UBL3: variants seen among roughly 807,000 people sequenced by gnomAD.
UBL3 encodes the protein ubiquitin like 3.
A neutral mutation model predicts 18.4 loss-of-function variants in UBL3; 6 were observed. That is an observed-to-expected ratio of 0.33 (90% CI 0.18 to 0.64). The LOEUF (loss-of-function observed/expected upper bound fraction) is 0.64. Among genes scored for constraint, UBL3 ranks in the 30% least tolerant of loss-of-function variants. The pLI is 0.76. For synonymous variants in UBL3, 49 were observed against 46.6 expected, an observed-to-expected ratio of 1.05 and a Z score of -0.21; for missense variants, 109 against 142.9, an observed-to-expected ratio of 0.76 and a Z score of 1.21.
At chr13:29,781,962 C>G (rs1208153221) in intron 1 of UBL3, among the ~76,000 whole-genome samples, 1 of 150,420 alleles carries the variant, frequency 6.6e-6, no homozygotes, top group Non-Finnish European at 1.5e-5. Flanking sequence ...ATGATCATGC[C>G]ATTGCACTCC....
At chr13:29,814,754 T>C (rs1036203406) in intron 1 of UBL3, among the ~76,000 whole-genome samples, 1 of 152,250 alleles carries the variant, frequency 6.6e-6, no homozygotes, top group Non-Finnish European at 1.5e-5. Context: ...CCATGTGTGG[T>C]TGCAGTCAGC....
At chr13:29,839,795 C>T (rs981740452) in intron 1 of UBL3, among the ~76,000 whole-genome samples, 28 of 151,770 alleles carry the variant, frequency 1.8e-4, no homozygotes, top group Admixed American at 6.6e-5. Flanking sequence ...GGCGTGGTGG[C>T]GGGTGCCTGT....
Position 29,842,581 on chromosome 13 carries a change from AAG to A in UBL3, c.27+6929_27+6930del, listed in dbSNP as rs372182550. Among the ~76,000 whole-genome samples, 33 of 152,294 alleles carry A rather than the reference AAG, an allele frequency of 2.2e-4. No individual in the cohort carries two copies. In the East Asian group the frequency reaches 4.4e-3, roughly 20 times the overall value. On this transcript the variant is annotated intron_variant, in intron 1 of 4. Coordinates refer to ENST00000380680, the MANE Select transcript of UBL3 (RefSeq NM_007106.4). ...TGGTGGTCTTCACCTGGTGGGTATT[AAG>A]AGTTTCTTTATCTATATACCAACCA...
chr13:29,780,390 A>ATATATATATG (rs755886113), intron 1 of UBL3, among the ~76,000 whole-genome samples: 6 of 92,168 alleles, frequency 6.5e-5, no homozygotes, highest in African/African-American at 2.0e-4. Context: ...ATATATATAT[A>ATATATATATG]TGTGTGTGTG....
At chr13:29,835,136 ATATATATAT>A (rs1878913760) in intron 1 of UBL3, among the ~76,000 whole-genome samples, 8 of 8,732 alleles carry the variant, frequency 9.2e-4, no homozygotes, top group African/African-American at 1.1e-3. Context: ...ATATATATAT[ATATATATAT>A]ATATATATAT....
intron 1 of UBL3, among the ~76,000 whole-genome samples, chr13:29,830,410 G>C (rs768863893): frequency 6.6e-6 from 1 of 152,176 alleles, no homozygotes; most frequent in Non-Finnish European, 1.5e-5. Flanking sequence ...CTGCCTGTTC[G>C]AAGTCCCAAA....
chr13:29,825,913 T>C (rs981328050), intron 1 of UBL3, among the ~76,000 whole-genome samples: 1 of 152,242 alleles, frequency 6.6e-6, no homozygotes, highest in African/African-American at 2.4e-5. Flanking sequence ...GAAGGGCTGT[T>C]GAATTTTGTC....
intron 1 of UBL3, among the ~76,000 whole-genome samples, chr13:29,839,951 A>AT (rs933636935): frequency 5.1e-5 from 7 of 137,556 alleles, no homozygotes; most frequent in African/African-American, 1.9e-4. Context: ...AAAAAAGAAG[A>AT]TTTTAAAAAA....
chr13:29,817,572 T>C (rs1878318086), intron 1 of UBL3, among the ~76,000 whole-genome samples: 1 of 152,158 alleles, frequency 6.6e-6, no homozygotes, highest in Non-Finnish European at 1.5e-5. Flanking sequence ...AAGGAAAGCG[T>C]TTCTGGAGGT....
intron 1 of UBL3, among the ~76,000 whole-genome samples, chr13:29,844,005 G>A (rs1020486218): frequency 6.6e-6 from 1 of 152,136 alleles, no homozygotes; most frequent in Non-Finnish European, 1.5e-5. Flanking sequence ...TAAATGCTTT[G>A]ACAGCAAACC....
At chr13:29,826,097 C>T (rs1878611386) in intron 1 of UBL3, among the ~76,000 whole-genome samples, 1 of 152,128 alleles carries the variant, frequency 6.6e-6, no homozygotes, top group Non-Finnish European at 1.5e-5. Context: ...ATTCAGTTTG[C>T]CAGTATTTTA....
chr13:29,846,999 AT>A (rs1367331559), intron 1 of UBL3, among the ~76,000 whole-genome samples: 3 of 152,226 alleles, frequency 2.0e-5, no homozygotes, highest in Non-Finnish European at 2.9e-5. Context: ...GGAGCGGTAA[AT>A]TGTTGTCATG....
chr13:29,801,570 A>G (rs1877767054), intron 1 of UBL3, among the ~76,000 whole-genome samples: 2 of 152,092 alleles, frequency 1.3e-5, no homozygotes. Flanking sequence ...CATTCCCACT[A>G]GCAACGGCTC....
At chr13:29,775,089 A>G (rs1005867121) in intron 2 of UBL3, among the ~76,000 whole-genome samples, 9 of 152,366 alleles carry the variant, frequency 5.9e-5, no homozygotes, top group Non-Finnish European at 1.3e-4. Flanking sequence ...ATCAAACACT[A>G]TGTAGGAACA....
intron 1 of UBL3, among the ~76,000 whole-genome samples, chr13:29,843,265 C>T (rs1879151783): frequency 2.0e-5 from 3 of 152,170 alleles, no homozygotes; most frequent in African/African-American, 7.2e-5. Flanking sequence ...ATACTAAAAA[C>T]AGAAATTAAA....
At position 29,849,575 on chromosome 13, in the gene UBL3, A is replaced by G. The variant is rs756519780; in HGVS notation, c.-37T>C. 1.2e-6 allele frequency: 2 copies of G among 1,611,736 alleles called. No homozygotes were observed. Among genetic ancestry groups the G allele is most frequent in the African/African-American group, 2.7e-5 (2 of 74,642 alleles). On this transcript the variant is annotated 5_prime_UTR_variant, in exon 1 of 5. Coordinates refer to ENST00000380680, the MANE Select transcript of UBL3 (RefSeq NM_007106.4). ...ATATACACCCAGATGTTTACGAAAA[A>G]AACAAACAAAGAAAAAAGAGCAGAA...
At chr13:29,831,960 C>T (rs1281445990) in intron 1 of UBL3, among the ~76,000 whole-genome samples, 2 of 152,166 alleles carry the variant, frequency 1.3e-5, no homozygotes, top group African/African-American at 4.8e-5. Flanking sequence ...TAAAAATTCG[C>T]TTCCTCAAAC....
chr13:29,830,383 C>T (rs1380091337), intron 1 of UBL3, among the ~76,000 whole-genome samples: 1 of 152,164 alleles, frequency 6.6e-6, no homozygotes, highest in Non-Finnish European at 1.5e-5. Flanking sequence ...GTTTTCCCAG[C>T]TTTTGATTTT....
chr13:29,806,471 A>C (rs2139337142), intron 1 of UBL3, among the ~76,000 whole-genome samples: 1 of 152,272 alleles, frequency 6.6e-6, no homozygotes, highest in East Asian at 1.9e-4. Flanking sequence ...TGCTCCCCTA[A>C]GAAGGATCTT....
Sources: gnomAD v4.1 joint callset for allele counts (sites outside exome capture counted in the v4.1 genomes callset) on GRCh38, gnomAD v4.1.1 for gene constraint, MANE v1.5 for transcripts, NCBI Gene and HGNC (gene_info 2026-07-23, HGNC 2026-07-21) for gene names.